The following COL14A1 variants were observed in gnomAD, a reference collection of about 807,000 sequenced individuals.
The protein encoded by COL14A1 is collagen alpha-1(XIV) chain.
A neutral mutation model predicts 230.3 loss-of-function variants in COL14A1; 136 were observed. The observed-to-expected ratio is 0.59, with a 90% CI of 0.51 to 0.68. The LOEUF (loss-of-function observed/expected upper bound fraction) is 0.68. Ranked by LOEUF, COL14A1 falls within the 30% of genes least tolerant of loss-of-function variation. The probability of loss-of-function intolerance (pLI) is 0.00; values close to 1 mark genes in which losing one functional copy is unlikely to be tolerated. For missense variants in COL14A1, 1,976 were observed against 2,215.8 expected (o/e 0.89, Z 2.17); for synonymous variants, 792 against 784.1 (o/e 1.01, Z -0.17).
Position 120,250,767 on chromosome 8 carries a change from G to T in COL14A1, c.2752+1G>T. 6.2e-7 allele frequency: 1 copy of T among 1,613,858 alleles called. No homozygotes were observed. The highest frequency in any genetic ancestry group is 1.1e-5 in the South Asian group (1 of 91,044). On this transcript the variant is annotated splice_donor_variant, in intron 22 of 47. Coordinates refer to ENST00000297848, the MANE Select transcript of COL14A1 (RefSeq NM_021110.4). LOFTEE classifies it high-confidence loss of function. ...GCCCTGACAGGCATGGTGAAAACAT[G>T]TAAGAGCCATTTCCGATGGCCTCAG...
At chr8:120,195,083 T>G (rs1426331524) in intron 5 of COL14A1, among the ~76,000 whole-genome samples, 1 of 152,132 alleles carries the variant, frequency 6.6e-6, no homozygotes, top group Non-Finnish European at 1.5e-5. Context: ...AATATTGGAG[T>G]ATTTCATTGG....
intron 25 of COL14A1, among the ~76,000 whole-genome samples, chr8:120,269,741 A>G (rs1819602610): frequency 6.6e-6 from 1 of 151,610 alleles, no homozygotes; most frequent in Admixed American, 6.6e-5. Flanking sequence ...ATCTTTTCCT[A>G]GTCCTTCATT....
At chr8:120,338,722 C>A (rs1192674861) in intron 42 of COL14A1, among the ~76,000 whole-genome samples, 1 of 152,080 alleles carries the variant, frequency 6.6e-6, no homozygotes. Context: ...GGTAAAGCAG[C>A]CTACGTATCA....
chr8:120,138,480 T>C (rs1351597712), intron 1 of COL14A1, among the ~76,000 whole-genome samples: 2 of 152,176 alleles, frequency 1.3e-5, no homozygotes. Flanking sequence ...TGATGCTTTA[T>C]GCCAGTAAGA....
chr8:120,225,050 T>C (rs2130801077), intron 14 of COL14A1, 38 bp from the exon 15 acceptor site: 1 of 1,589,032 alleles, frequency 6.3e-7, no homozygotes, highest in Middle Eastern at 1.8e-4. Context: ...ATACTTAGCA[T>C]TAGATAGAGC....
At chr8:120,323,641 C>T (rs1821545795) in intron 40 of COL14A1, among the ~76,000 whole-genome samples, 1 of 152,138 alleles carries the variant, frequency 6.6e-6, no homozygotes, top group African/African-American at 2.4e-5. Context: ...ATATTGCTAG[C>T]CAGTTAACCC....
intron 34 of COL14A1, among the ~76,000 whole-genome samples, chr8:120,290,038 T>C (rs1196044316): frequency 6.6e-6 from 1 of 152,188 alleles, no homozygotes; most frequent in African/African-American, 2.4e-5. Flanking sequence ...TAGTTTATTT[T>C]CTAAGTGCAT....
rs1812204585 is a variant in COL14A1, at chr8:120,372,835, G to A, written c.*1604G>A. 6.6e-6 allele frequency among the ~76,000 whole-genome samples: 1 copy of A among 152,008 alleles called. No homozygotes were observed. The highest frequency in any genetic ancestry group is 2.1e-4 in the South Asian group (1 of 4,818). On this transcript the variant is annotated 3_prime_UTR_variant, in exon 48 of 48. Coordinates refer to ENST00000297848, the MANE Select transcript of COL14A1 (RefSeq NM_021110.4). ...TTTGGTGGGGTGGGGCAGGGGCGGG[G>A]GGCGGTTCTAAACAAATCAGTTTTT...
chr8:120,344,531 T>A (rs774822298), intron 44 of COL14A1, among the ~76,000 whole-genome samples: 2 of 152,256 alleles, frequency 1.3e-5, no homozygotes, highest in Non-Finnish European at 2.9e-5. Context: ...ACGTGCCTAC[T>A]AATAACATTG....
intron 19 of COL14A1, among the ~76,000 whole-genome samples, chr8:120,237,979 T>A (rs1365390882): frequency 6.6e-6 from 1 of 152,176 alleles, no homozygotes; most frequent in Non-Finnish European, 1.5e-5. Context: ...TGCTCCTTCC[T>A]CTGGAAGCTT....
At chr8:120,323,367 G>A (rs373974563) in intron 40 of COL14A1, among the ~76,000 whole-genome samples, 1 of 151,532 alleles carries the variant, frequency 6.6e-6, no homozygotes, top group African/African-American at 2.4e-5. Flanking sequence ...TCTGAAGGTT[G>A]TCTCTTTAGT....
chr8:120,129,980 G>C (rs1814475203), intron 1 of COL14A1, among the ~76,000 whole-genome samples: 1 of 152,186 alleles, frequency 6.6e-6, no homozygotes, highest in African/African-American at 2.4e-5. Flanking sequence ...CATGAAACTA[G>C]CTGGAGAACC....
chr8:120,308,634 G>C (rs1820925713), intron 36 of COL14A1, among the ~76,000 whole-genome samples: 1 of 152,200 alleles, frequency 6.6e-6, no homozygotes, highest in Non-Finnish European at 1.5e-5. Context: ...AAAAGGAAGA[G>C]TGCATGTAAA....
Position 120,349,276 on chromosome 8 carries a change from A to G in COL14A1, c.5077+3713A>G, listed in dbSNP as rs1202632009. Among the ~76,000 whole-genome samples the G allele has an allele frequency of 2.0e-5, 3 of 149,570 alleles. No homozygotes were observed. In the East Asian group the frequency reaches 5.8e-4, roughly 29 times the overall value. ...AAGACCAAAAGTAGATAAAACCACA[A>G]AGATGGGGAAAAAACAGAACAGAAA... On this transcript the variant is annotated intron_variant, in intron 45 of 47. Coordinates refer to ENST00000297848, the MANE Select transcript of COL14A1 (RefSeq NM_021110.4).
At position 120,279,927 on chromosome 8, in the gene COL14A1, T is replaced by A. The variant is rs764508978; in HGVS notation, c.3482-8T>A. ...AGTAATCGGAAATCTGTTCTCTGTC[T>A]GCCACAGGCTATAGCATTTTTGCAA... is the stretch of plus-strand genomic sequence containing the variant. On this transcript the variant is annotated splice_region_variant and splice_polypyrimidine_tract_variant and intron_variant, in intron 28 of 47. Transcript: ENST00000297848. The A allele has an allele frequency of 3.6e-5, 58 of 1,611,634 alleles. No individual in the cohort carries two copies. In the South Asian group the frequency reaches 6.3e-4, roughly 17 times the overall value.
chr8:120,258,342 A>G (rs891614586), intron 23 of COL14A1, among the ~76,000 whole-genome samples: 3 of 152,168 alleles, frequency 2.0e-5, no homozygotes, highest in Non-Finnish European at 4.4e-5. Flanking sequence ...CTCTTTCTCA[A>G]TAGTTCCAAC....
rs769769156 is a variant in COL14A1 at position 120,199,574 on chromosome 8, C to A, written c.877+8C>A. On this transcript the variant is annotated splice_region_variant and intron_variant, in intron 8 of 47. Coordinates refer to ENST00000297848, the MANE Select transcript of COL14A1 (RefSeq NM_021110.4). The stretch of plus-strand genomic sequence containing the variant: ...TAGAACTGTTTGCCATAGGTATGTG[C>A]TCTTTATAGTCTTGTTTCAACTAAG... The A allele has an allele frequency of 1.9e-6, 3 of 1,608,002 alleles. No individual in the cohort carries two copies. In the South Asian group the frequency reaches 3.4e-5, roughly 18 times the overall value.
At chr8:120,129,091 GTCTCC>G (rs1341434089) in intron 1 of COL14A1, among the ~76,000 whole-genome samples, 1 of 152,168 alleles carries the variant, frequency 6.6e-6, no homozygotes, top group Admixed American at 6.5e-5. Flanking sequence ...TCCCAGCCCT[GTCTCC>G]TGCCATGTGC....
chr8:120,144,013 A>G (rs1393783925), intron 1 of COL14A1, among the ~76,000 whole-genome samples: 1 of 152,146 alleles, frequency 6.6e-6, no homozygotes, highest in Non-Finnish European at 1.5e-5. Flanking sequence ...AGTTGCAATT[A>G]GGTAACTTCA....
Sources: allele counts gnomAD v4.1 joint callset (sites outside exome capture counted in the v4.1 genomes callset), GRCh38; gene constraint gnomAD v4.1.1; transcripts MANE v1.5; gene names NCBI Gene and HGNC (gene_info 2026-07-23, HGNC 2026-07-21).